The following ADAMTS3 variants were observed in gnomAD, a reference collection of about 807,000 sequenced individuals.
The protein encoded by ADAMTS3 is ADAM metallopeptidase with thrombospondin type 1 motif 3.
Under a neutral mutation model 129.0 loss-of-function variants are expected in ADAMTS3, and 73 were observed. The ratio of observed to expected loss-of-function variants is 0.57; its 90% CI spans 0.47 to 0.69. The LOEUF is 0.69. ADAMTS3 is among the 30% of genes least tolerant of loss of function. ADAMTS3 has a pLI of 0.00. For synonymous variants in ADAMTS3, 477 were observed against 510.8 expected, an observed-to-expected ratio of 0.93 and a Z score of 0.89; for missense variants, 1,457 against 1,514.5, an observed-to-expected ratio of 0.96 and a Z score of 0.63.
chr4:72,434,105 C>T (rs1375261551), intron 3 of ADAMTS3, among the ~76,000 whole-genome samples: 1 of 151,624 alleles, frequency 6.6e-6, no homozygotes, highest in Non-Finnish European at 1.5e-5. Flanking sequence ...CACATGAGAA[C>T]AGAGTAAACA....
chr4:72,482,015 G>A (rs770196596), intron 3 of ADAMTS3, among the ~76,000 whole-genome samples: 1 of 152,052 alleles, frequency 6.6e-6, no homozygotes, highest in Non-Finnish European at 1.5e-5. Flanking sequence ...ATGCTGGTAA[G>A]AATGTGAAGA....
intron 15 of ADAMTS3, among the ~76,000 whole-genome samples, chr4:72,308,642 C>G (rs1447013036): frequency 1.3e-5 from 2 of 151,868 alleles, no homozygotes; most frequent in Non-Finnish European, 2.9e-5. Flanking sequence ...CTGATACAAA[C>G]TCAAGAAATT....
intron 4 of ADAMTS3, among the ~76,000 whole-genome samples, chr4:72,351,567 A>C (rs1343341715): frequency 6.6e-6 from 1 of 151,820 alleles, no homozygotes; most frequent in African/African-American, 2.4e-5. Context: ...AAAAAAAAAA[A>C]AAATCACCTT....
At chr4:72,546,558 C>T (rs1283505076) in intron 3 of ADAMTS3, among the ~76,000 whole-genome samples, 1 of 152,114 alleles carries the variant, frequency 6.6e-6, no homozygotes, top group Non-Finnish European at 1.5e-5. Flanking sequence ...ATTAGCTAGT[C>T]AGTTCTTCCA....
At chr4:72,533,380 T>C (rs1193492067) in intron 3 of ADAMTS3, among the ~76,000 whole-genome samples, 1 of 152,134 alleles carries the variant, frequency 6.6e-6, no homozygotes, top group East Asian at 1.9e-4. Flanking sequence ...TCTCCTGTTA[T>C]AACAATGCCT....
At chr4:72,434,939 A>G (rs1197257920) in intron 3 of ADAMTS3, among the ~76,000 whole-genome samples, 1 of 151,866 alleles carries the variant, frequency 6.6e-6, no homozygotes, top group Non-Finnish European at 1.5e-5. Context: ...ACATCTAACA[A>G]GAAAATGTGG....
intron 5 of ADAMTS3, among the ~76,000 whole-genome samples, chr4:72,325,766 A>G (rs576222862): frequency 2.0e-5 from 3 of 152,196 alleles, no homozygotes; most frequent in Non-Finnish European, 4.4e-5. Context: ...CATATGTAAT[A>G]CATCAATGCT....
Position 72,344,322 on chromosome 4 carries a change from C to T in ADAMTS3, c.662-4629G>A, listed in dbSNP as rs546377422. 4.0e-4 allele frequency among the ~76,000 whole-genome samples: 61 copies of T among 152,046 alleles called. 1 individual carries two copies. The South Asian group carries it at 0.013, about 32-fold the overall frequency. On this transcript the variant is annotated intron_variant, in intron 4 of 21. Coordinates refer to ENST00000286657, the MANE Select transcript of ADAMTS3 (RefSeq NM_014243.3). ...AAGTATAGGATTAGTGAAATTGCTCCCTACCCCAGAAAAAAATTTCTATGG... is the reference window on the plus strand; with the variant it reads ...AAGTATAGGATTAGTGAAATTGCTCTCTACCCCAGAAAAAAATTTCTATGG...
At chr4:72,305,009 C>A (rs558335635) in intron 16 of ADAMTS3, among the ~76,000 whole-genome samples, 1 of 152,086 alleles carries the variant, frequency 6.6e-6, no homozygotes, top group South Asian at 2.1e-4. Flanking sequence ...TTTAAAAATT[C>A]TATGAAACAC....
chr4:72,303,352 C>A (rs955879181), intron 17 of ADAMTS3, among the ~76,000 whole-genome samples: 2 of 151,956 alleles, frequency 1.3e-5, no homozygotes, highest in Non-Finnish European at 2.9e-5. Context: ...ACCCTTGGAA[C>A]TCGCTGCAAG....
chr4:72,327,953 T>C (rs548935423), intron 5 of ADAMTS3, among the ~76,000 whole-genome samples: 2 of 152,200 alleles, frequency 1.3e-5, no homozygotes, highest in African/African-American at 4.8e-5. Flanking sequence ...AAAGAGGAGC[T>C]AGAGAAGAAA....
At chr4:72,542,042 C>G (rs1019141159) in intron 3 of ADAMTS3, among the ~76,000 whole-genome samples, 8 of 152,138 alleles carry the variant, frequency 5.3e-5, no homozygotes, top group Non-Finnish European at 7.3e-5. Flanking sequence ...TTTCCTTAAA[C>G]ATGGATAATT....
chr4:72,373,519 C>T (rs561439553), intron 4 of ADAMTS3, among the ~76,000 whole-genome samples: 1 of 152,080 alleles, frequency 6.6e-6, no homozygotes, highest in Non-Finnish European at 1.5e-5. Flanking sequence ...GAAAAAGAAA[C>T]AGACACAAAA....
At chr4:72,556,249 C>A (rs1480889545) in intron 2 of ADAMTS3, among the ~76,000 whole-genome samples, 1 of 151,722 alleles carries the variant, frequency 6.6e-6, no homozygotes, top group Non-Finnish European at 1.5e-5. Flanking sequence ...ATGACAGACA[C>A]AGTGGCCCAT....
intron 4 of ADAMTS3, among the ~76,000 whole-genome samples, chr4:72,343,494 A>G (rs1217556382): frequency 6.6e-6 from 1 of 152,114 alleles, no homozygotes; most frequent in Admixed American, 6.6e-5. Context: ...TTACTCCTAT[A>G]TCACCATGAT....
intron 3 of ADAMTS3, among the ~76,000 whole-genome samples, chr4:72,482,126 A>T (rs1448335916): frequency 6.6e-6 from 1 of 152,084 alleles, no homozygotes; most frequent in African/African-American, 2.4e-5. Context: ...CTCAATTATC[A>T]TACAATCCAG....
chr4:72,390,872 T>C (rs186488055), intron 4 of ADAMTS3, among the ~76,000 whole-genome samples: 4 of 145,930 alleles, frequency 2.7e-5, no homozygotes, highest in Non-Finnish European at 4.5e-5. Context: ...GACTCCTTTT[T>C]CCTAGGTTCC....
intron 3 of ADAMTS3, among the ~76,000 whole-genome samples, chr4:72,540,688 C>A (rs1202785715): frequency 6.6e-6 from 1 of 152,200 alleles, no homozygotes; most frequent in Non-Finnish European, 1.5e-5. Context: ...CCCTGCATCC[C>A]AGCTGCTCCA....
At chr4:72,510,033 T>C (rs1450689909) in intron 3 of ADAMTS3, among the ~76,000 whole-genome samples, 1 of 151,030 alleles carries the variant, frequency 6.6e-6, no homozygotes, top group Non-Finnish European at 1.5e-5. Context: ...TTTCAATTGA[T>C]GCTGGAAAAG....
Sources: gnomAD v4.1 joint callset for allele counts (sites outside exome capture counted in the v4.1 genomes callset) on GRCh38, gnomAD v4.1.1 for gene constraint, MANE v1.5 for transcripts, NCBI Gene and HGNC (gene_info 2026-07-23, HGNC 2026-07-21) for gene names.